Variants in ARHGEF39 observed in about 807,000 individuals in gnomAD.
The protein encoded by ARHGEF39 is Rho guanine nucleotide exchange factor 39, also known as Rho guanine nucleotide exchange factor (GEF) 39.
Under a neutral mutation model 47.5 loss-of-function variants are expected in ARHGEF39, and 45 were observed. That is an observed-to-expected ratio of 0.95 (90% CI 0.75 to 1.22). The LOEUF (loss-of-function observed/expected upper bound fraction) is 1.22. Ranked by LOEUF, ARHGEF39 falls within the 50% of genes most tolerant of loss-of-function variation. The probability of loss-of-function intolerance (pLI) is 0.00; values close to 1 mark genes in which losing one functional copy is unlikely to be tolerated. For synonymous variants in ARHGEF39, 164 were observed against 167.8 expected, an observed-to-expected ratio of 0.98 and a Z score of 0.17; for missense variants, 411 against 425.3, an observed-to-expected ratio of 0.97 and a Z score of 0.30.
chr9:35,662,753 G>A lies in ARHGEF39; in HGVS notation c.674-12C>T. The A allele has an allele frequency of 1.3e-6, 2 of 1,550,954 alleles. No individual in the cohort carries two copies. Among genetic ancestry groups the A allele is most frequent in the Non-Finnish European group, 1.7e-6 (2 of 1,147,092 alleles). On this transcript the variant is annotated splice_polypyrimidine_tract_variant and intron_variant, in intron 6 of 8. Transcript: ENST00000378387. ...TAGGAACCAGCGCCCTGGGGGATGG[G>A]AGCGCTGTTATTCTGGTGCAGCTTC... is the stretch of plus-strand genomic sequence containing the variant.
chr9:35,665,072 GTC>G lies in ARHGEF39; in HGVS notation c.96_97del (p.Glu32AspfsTer30). On this transcript the variant is annotated frameshift_variant, in exon 1 of 9. Coordinates refer to ENST00000378387, the MANE Select transcript of ARHGEF39 (RefSeq NM_032818.3). LOFTEE classifies it high-confidence loss of function. ...CAGCTGTTCTTGGTAGCGCCGCTCG[GTC>G]TCTAGCAGCTCCCGGGCGGTGCAGG... 6.4e-7 allele frequency: 1 copy of G among 1,561,208 alleles called. No individual in the cohort carries two copies. The highest frequency in any genetic ancestry group is 8.7e-7 in the Non-Finnish European group (1 of 1,154,494).
rs892154335 is a variant in ARHGEF39, at chr9:35,665,158, G to A, written c.12C>T (p.Ser4=). ...GCACCGGGCACCGCGAACCGGGGCAGGAGAGCTCCATGCCCTGGCTGAGGG... is the reference window on the plus strand; with the variant it reads ...GCACCGGGCACCGCGAACCGGGGCAAGAGAGCTCCATGCCCTGGCTGAGGG... The part of the protein sequence containing the change: MEL[S]CPGSRCPVQE... Residue 4 remains serine (S), a synonymous_variant, in exon 1 of 9, where the codon TCC becomes TCT. Transcript: ENST00000378387. 2 of 1,522,114 alleles carry A rather than the reference G, an allele frequency of 1.3e-6. No homozygotes were observed. The highest frequency in any genetic ancestry group is 8.8e-7 in the Non-Finnish European group (1 of 1,130,970). 94.3% of individuals were successfully genotyped at this position (1,522,114 alleles called of 1,614,324 possible).
chr9:35,664,704 C>T (rs1587936863), intron 2 of ARHGEF39, 52 bp downstream of exon 2: 1 of 1,557,768 alleles, frequency 6.4e-7, no homozygotes, highest in East Asian at 2.3e-5. Flanking sequence ...CTGTGCACGG[C>T]CACAGGCCAG....
In ARHGEF39 at chr9:35,660,605, A is replaced by T; in HGVS notation, c.*1382T>A. 6.2e-7 allele frequency: 1 copy of T among 1,614,180 alleles called. No homozygotes were observed. The highest frequency in any genetic ancestry group is 8.5e-7 in the Non-Finnish European group (1 of 1,180,026). ...CAACAGCTGGCCCAGACAGAGCAGC[A>T]CCTGAACAACCTGATGGCCCAGCTG... On this transcript the variant is annotated 3_prime_UTR_variant, in exon 9 of 9. Transcript: ENST00000378387.
intron 7 of ARHGEF39, 61 bp downstream of exon 7, chr9:35,662,451 T>C: frequency 1.3e-6 from 2 of 1,535,144 alleles, no homozygotes; most frequent in Non-Finnish European, 1.8e-6. Context: ...ACCAGGGAGA[T>C]AAACCAGCCC....
At chr9:35,662,396 C>T in intron 7 of ARHGEF39, 116 bp downstream of exon 7, 1 of 1,380,214 alleles carries the variant, frequency 7.2e-7, no homozygotes, top group African/African-American at 1.4e-5. Flanking sequence ...CCCCAGCTAT[C>T]CTCTCTCAAT....
At chr9:35,662,124 T>C in intron 8 of ARHGEF39, 55 bp downstream of exon 8, 2 of 1,595,478 alleles carry the variant, frequency 1.3e-6, no homozygotes, top group African/African-American at 1.3e-5. Context: ...GAACTGCATA[T>C]TTCCTGCTTG....
Position 35,660,422 on chromosome 9 carries a change from C to T in ARHGEF39, c.*1565G>A. On this transcript the variant is annotated 3_prime_UTR_variant, in exon 9 of 9. Coordinates refer to ENST00000378387, the MANE Select transcript of ARHGEF39 (RefSeq NM_032818.3). ...ACAGGGGAAAGATGAAACTGCGGTT[C>T]TCCACGAGGAGGCAAGCAAGCAGCA... The T allele has an allele frequency of 6.2e-7, 1 of 1,609,610 alleles. No homozygotes were observed. Among genetic ancestry groups the T allele is most frequent in the Non-Finnish European group, 8.5e-7 (1 of 1,177,826 alleles).
rs752438964 is a variant in ARHGEF39 at position 35,662,539 on chromosome 9, TGAGTGGCCAAA to T, written c.865_875del (p.Phe289ArgfsTer15). ...TGAGCAACCCACCACAAGGGCCTCC[TGAGTGGCCAAA>T]GACCCTGCTGAGATGACACTGGGCC... On this transcript the variant is annotated frameshift_variant, in exon 7 of 9. Transcript: ENST00000378387. LOFTEE classifies it high-confidence loss of function. The T allele has an allele frequency of 6.2e-7, 1 of 1,614,046 alleles. No homozygotes were observed. Among genetic ancestry groups the T allele is most frequent in the South Asian group, 1.1e-5 (1 of 91,088 alleles).
chr9:35,660,855 C>T lies in ARHGEF39; in HGVS notation c.*1132G>A, dbSNP rs367950013. The T allele has an allele frequency of 6.7e-5, 108 of 1,614,140 alleles. No homozygotes were observed. In the African/African-American group the frequency reaches 1.3e-3, roughly 19 times the overall value. ...GGACAAGGATATGGAGGCTTCAGAA[C>T]CAGGTGAAGGCTCGGGAGGCGAGTC... is the stretch of plus-strand genomic sequence containing the variant. On this transcript the variant is annotated 3_prime_UTR_variant, in exon 9 of 9. Transcript: ENST00000378387.
chr9:35,660,797 G>T lies in ARHGEF39; in HGVS notation c.*1190C>A. 1.2e-6 allele frequency: 2 copies of T among 1,614,126 alleles called. No homozygotes were observed. The highest frequency in any genetic ancestry group is 1.1e-5 in the South Asian group (1 of 91,076). On this transcript the variant is annotated 3_prime_UTR_variant, in exon 9 of 9. Coordinates refer to ENST00000378387, the MANE Select transcript of ARHGEF39 (RefSeq NM_032818.3). ...AGGAGCTTCTGAACATGAAGCTATGGACCATCCACGAGCTGCTGCAAGATA... is the reference window on the plus strand; with the variant it reads ...AGGAGCTTCTGAACATGAAGCTATGTACCATCCACGAGCTGCTGCAAGATA...
chr9:35,660,736 AT>A lies in ARHGEF39; in HGVS notation c.*1250del. 6.2e-7 allele frequency: 1 copy of A among 1,613,788 alleles called. No homozygotes were observed. Among genetic ancestry groups the A allele is most frequent in the African/African-American group, 1.3e-5 (1 of 74,998 alleles). Reference sequence around the variant, plus strand: ...ATAGGTTGGGAGCCACTGAGTGGACATTTCTTCAGTGTGACTACTCTGGCTG... The same window carrying A: ...ATAGGTTGGGAGCCACTGAGTGGACATTCTTCAGTGTGACTACTCTGGCTG... On this transcript the variant is annotated 3_prime_UTR_variant, in exon 9 of 9. Transcript: ENST00000378387.
rs1823947553 is a variant in ARHGEF39 at position 35,661,503 on chromosome 9, A to G, written c.*484T>C. 4.4e-6 allele frequency: 2 copies of G among 453,896 alleles called. No individual in the cohort carries two copies. Among genetic ancestry groups the G allele is most frequent in the South Asian group, 1.2e-4 (2 of 16,956 alleles). The allele number at this position is 453,896 out of a possible 1,614,324, so 28.1% of individuals were successfully genotyped here. ...AAATAAATGATAGAAACTATACACA[A>G]CATAAAAATAGCCACATTTACAAAG... is the stretch of plus-strand genomic sequence containing the variant. On this transcript the variant is annotated 3_prime_UTR_variant, in exon 9 of 9. Coordinates refer to ENST00000378387, the MANE Select transcript of ARHGEF39 (RefSeq NM_032818.3).
rs539616894 is a variant in ARHGEF39 at position 35,659,699 on chromosome 9, G to C, written c.*2288C>G. On this transcript the variant is annotated 3_prime_UTR_variant, in exon 9 of 9. Transcript: ENST00000378387. ...AATAAACCAGAAAAAACTCAGGAAAGTGGGTGAGGGTGTGACCATTGCCTT... is the reference window on the plus strand; with the variant it reads ...AATAAACCAGAAAAAACTCAGGAAACTGGGTGAGGGTGTGACCATTGCCTT... 6.6e-6 allele frequency: 1 copy of C among 152,384 alleles called. No individual in the cohort carries two copies. The highest frequency in any genetic ancestry group is 2.4e-5 in the African/African-American group (1 of 41,580). The allele number at this position is 152,384 out of a possible 1,614,324, so 9.4% of individuals were successfully genotyped here. A position where few individuals can be genotyped will look rare whatever the true frequency, so the allele number is the denominator to read the frequency against.
Position 35,660,661 on chromosome 9 carries a change from T to C in ARHGEF39, c.*1326A>G, listed in dbSNP as rs376989197. The stretch of plus-strand genomic sequence containing the variant: ...CCTTTTTGAGCGGTGAGGAGAGCAA[T>C]GATTCTGTGAATTTTTGGGGAATTT... On this transcript the variant is annotated 3_prime_UTR_variant, in exon 9 of 9. Coordinates refer to ENST00000378387, the MANE Select transcript of ARHGEF39 (RefSeq NM_032818.3). The C allele has an allele frequency of 4.3e-6, 7 of 1,613,942 alleles. No homozygotes were observed. The African/African-American group carries it at 8.0e-5, about 18-fold the overall frequency.
rs770854256 is a variant in ARHGEF39 at position 35,661,174 on chromosome 9, GTC to G, written c.*811_*812del. 1.9e-6 allele frequency: 3 copies of G among 1,598,494 alleles called. No individual in the cohort carries two copies. In the East Asian group the frequency reaches 6.7e-5, roughly 36 times the overall value. ...ACAGCTGAAGGTCGACTAAAACAAAGTCTGTTTTCATGATGGAGTGCTCCTGT... is the reference window on the plus strand; with the variant it reads ...ACAGCTGAAGGTCGACTAAAACAAAGTGTTTTCATGATGGAGTGCTCCTGT... On this transcript the variant is annotated 3_prime_UTR_variant, in exon 9 of 9. Transcript: ENST00000378387.
At chr9:35,662,821 G>C in intron 6 of ARHGEF39, 80 bp from the exon 7 acceptor site, 2 of 1,525,496 alleles carry the variant, frequency 1.3e-6, no homozygotes, top group Non-Finnish European at 1.8e-6. Flanking sequence ...GAGAAAATAG[G>C]GGTTATGTGC....
Position 35,661,593 on chromosome 9 carries a change from A to G in ARHGEF39, c.*394T>C. On this transcript the variant is annotated 3_prime_UTR_variant, in exon 9 of 9. Transcript: ENST00000378387. ...GAGCTTATCAGTCCCAAATCCCCTC[A>G]TCTGTGTTAGGGGCTGGTTCATTTG... The G allele has an allele frequency of 2.3e-6, 1 of 426,916 alleles. No homozygotes were observed. Among genetic ancestry groups the G allele is most frequent in the Middle Eastern group, 6.0e-4 (1 of 1,664 alleles). 26.4% of individuals were successfully genotyped at this position (426,916 alleles called of 1,614,324 possible). A position where few individuals can be genotyped will look rare whatever the true frequency, so the allele number is the denominator to read the frequency against.
rs747649230 is a variant in ARHGEF39 at position 35,660,893 on chromosome 9, A to C, written c.*1094T>G. ...CGGGAGGCGAGTCTGCTGGAGGTGGAGACAAAGTCTCTGAAACTGGAACAT... is the reference window on the plus strand; with the variant it reads ...CGGGAGGCGAGTCTGCTGGAGGTGGCGACAAAGTCTCTGAAACTGGAACAT... On this transcript the variant is annotated 3_prime_UTR_variant, in exon 9 of 9. Coordinates refer to ENST00000378387, the MANE Select transcript of ARHGEF39 (RefSeq NM_032818.3). 6.2e-7 allele frequency: 1 copy of C among 1,614,164 alleles called. No homozygotes were observed. The highest frequency in any genetic ancestry group is 1.1e-5 in the South Asian group (1 of 91,090).
Sources: allele counts gnomAD v4.1 joint callset, GRCh38; gene constraint gnomAD v4.1.1; transcripts MANE v1.5; gene names NCBI Gene and HGNC (gene_info 2026-07-23, HGNC 2026-07-21).